Variants in RBFOX1 observed in about 807,000 individuals in gnomAD.
RBFOX1 encodes the protein RNA binding protein fox-1 homolog 1.
Under a neutral mutation model 57.7 loss-of-function variants are expected in RBFOX1, and 8 were observed. The ratio of observed to expected loss-of-function variants is 0.14; its 90% confidence interval spans 0.08 to 0.25. The LOEUF is 0.25. RBFOX1 is among the 10% of genes least tolerant of loss of function. The probability of loss-of-function intolerance (pLI) is 1.00; values close to 1 mark genes in which losing one functional copy is unlikely to be tolerated. For synonymous variants in RBFOX1, 326 were observed against 222.4 expected, an observed-to-expected ratio of 1.47 and a Z score of -4.15; for missense variants, 611 against 548.5, an observed-to-expected ratio of 1.11 and a Z score of -1.14.
intron 1 of RBFOX1, among the ~76,000 whole-genome samples, chr16:6,195,201 C>G (rs2097171897): frequency 6.6e-6 from 1 of 152,158 alleles, no homozygotes; most frequent in Non-Finnish European, 1.5e-5. Context: ...TACCTACCGC[C>G]TTTTTATCCC....
chr16:6,902,609 C>T (rs967671825), intron 3 of RBFOX1, among the ~76,000 whole-genome samples: 5 of 152,130 alleles, frequency 3.3e-5, no homozygotes, highest in Non-Finnish European at 5.9e-5. Context: ...GTAATCCCAG[C>T]TATTCAGGAG....
At chr16:5,885,135 C>G (rs1344712782) in intron 4 of RBFOX1, among the ~76,000 whole-genome samples, 2 of 152,136 alleles carry the variant, frequency 1.3e-5, no homozygotes, top group Admixed American at 6.5e-5. Context: ...TCCTTTCTCA[C>G]TTCCAAGGTA....
At chr16:7,593,204 C>T (rs1602744814) in intron 7 of RBFOX1, among the ~76,000 whole-genome samples, 1 of 152,138 alleles carries the variant, frequency 6.6e-6, no homozygotes, top group Non-Finnish European at 1.5e-5. Flanking sequence ...TAAGCAAACA[C>T]ATTTCTGGAC....
At chr16:6,541,175 T>G (rs1357994617) in intron 2 of RBFOX1, among the ~76,000 whole-genome samples, 1 of 152,134 alleles carries the variant, frequency 6.6e-6, no homozygotes, top group Non-Finnish European at 1.5e-5. Flanking sequence ...GAGAACTCTT[T>G]CATTCTATGC....
intron 4 of RBFOX1, among the ~76,000 whole-genome samples, chr16:5,937,212 A>G (rs911824336): frequency 2.6e-5 from 4 of 152,220 alleles, no homozygotes; most frequent in Non-Finnish European, 4.4e-5. Flanking sequence ...CTTTATGGAA[A>G]GAACACGAGA....
chr16:6,503,879 G>A (rs1410265007), intron 2 of RBFOX1, among the ~76,000 whole-genome samples: 3 of 152,144 alleles, frequency 2.0e-5, no homozygotes, highest in Non-Finnish European at 4.4e-5. Flanking sequence ...TTTAAGGCAA[G>A]CCATGCACTG....
intron 3 of RBFOX1, among the ~76,000 whole-genome samples, chr16:6,792,694 C>G (rs997278432): frequency 1.3e-5 from 2 of 152,154 alleles, no homozygotes; most frequent in African/African-American, 2.4e-5. Context: ...TTGTATCTGA[C>G]ATTCTAAAGA....
At chr16:6,193,762 C>G (rs1308647311) in intron 1 of RBFOX1, among the ~76,000 whole-genome samples, 1 of 151,956 alleles carries the variant, frequency 6.6e-6, no homozygotes, top group African/African-American at 2.4e-5. Flanking sequence ...GGGTCTTTTC[C>G]TGTTTTACCC....
chr16:7,411,512 C>G lies in RBFOX1; in HGVS notation c.28-106635C>G, dbSNP rs376055873. Among the ~76,000 whole-genome samples, 11 of 152,268 alleles carry G rather than the reference C, an allele frequency of 7.2e-5. No individual in the cohort carries two copies. In the Middle Eastern group the frequency reaches 0.01, roughly 141 times the overall value. ...AAAATGGAATAACTCTTTTCTTCCC[C>G]CAAATCTATAACCCCAGTCTAATTG... On this transcript the variant is annotated intron_variant, in intron 4 of 15. Transcript: ENST00000550418.
At chr16:7,077,974 C>G (rs1198891434) in intron 4 of RBFOX1, among the ~76,000 whole-genome samples, 1 of 152,192 alleles carries the variant, frequency 6.6e-6, no homozygotes, top group Non-Finnish European at 1.5e-5. Context: ...AAGGGCTGTG[C>G]TGTCTCCTGA....
At chr16:5,876,079 G>A (rs1274068408) in intron 4 of RBFOX1, among the ~76,000 whole-genome samples, 2 of 152,026 alleles carry the variant, frequency 1.3e-5, no homozygotes, top group African/African-American at 4.8e-5. Flanking sequence ...TTATGACCTC[G>A]TGATCCACCC....
At chr16:6,975,402 G>A (rs985969935) in intron 3 of RBFOX1, among the ~76,000 whole-genome samples, 3 of 152,144 alleles carry the variant, frequency 2.0e-5, no homozygotes, top group Admixed American at 6.5e-5. Flanking sequence ...AGTAGCTGGC[G>A]TTACAGGCAC....
At chr16:7,014,272 G>C (rs74766088) in intron 3 of RBFOX1, among the ~76,000 whole-genome samples, 2 of 151,608 alleles carry the variant, frequency 1.3e-5, no homozygotes, top group East Asian at 4.0e-4. Flanking sequence ...GTGTGCAGTG[G>C]CATGATTTTG....
intron 1 of RBFOX1, among the ~76,000 whole-genome samples, chr16:6,286,922 C>T (rs150065936): frequency 1.7e-4 from 26 of 152,234 alleles, no homozygotes; most frequent in African/African-American, 5.5e-4. Context: ...AATATTTGCT[C>T]AGCAACTATA....
At chr16:6,060,980 A>C (rs1272441144) in intron 1 of RBFOX1, among the ~76,000 whole-genome samples, 1 of 152,218 alleles carries the variant, frequency 6.6e-6, no homozygotes, top group African/African-American at 2.4e-5. Context: ...CAGTGATTAC[A>C]ATCCATGCAT....
intron 1 of RBFOX1, among the ~76,000 whole-genome samples, chr16:6,254,007 A>C (rs1952098763): frequency 6.6e-6 from 1 of 152,158 alleles, no homozygotes; most frequent in Non-Finnish European, 1.5e-5. Context: ...GTTCCATGAC[A>C]AACATACACC....
intron 3 of RBFOX1, among the ~76,000 whole-genome samples, chr16:5,757,537 A>G (rs1173668202): frequency 6.6e-6 from 1 of 152,026 alleles, no homozygotes; most frequent in Non-Finnish European, 1.5e-5. Flanking sequence ...GCCGGGTGGG[A>G]AGCTTTTAAT....
chr16:5,498,330 G>C (rs2043072037), intron 2 of RBFOX1, among the ~76,000 whole-genome samples: 1 of 152,086 alleles, frequency 6.6e-6, no homozygotes, highest in Non-Finnish European at 1.5e-5. Context: ...TTTTAGTAGA[G>C]ACAGGGTTTC....
At chr16:7,005,994 C>T (rs1024428780) in intron 3 of RBFOX1, among the ~76,000 whole-genome samples, 2 of 152,144 alleles carry the variant, frequency 1.3e-5, no homozygotes, top group African/African-American at 4.8e-5. Flanking sequence ...AAGGCAAATC[C>T]TCTAAGAAGC....
Sources: gnomAD v4.1 joint callset for allele counts (sites outside exome capture counted in the v4.1 genomes callset) on GRCh38, gnomAD v4.1.1 for gene constraint, MANE v1.5 for transcripts, NCBI Gene and HGNC (gene_info 2026-07-23, HGNC 2026-07-21) for gene names.